The following SMIM19 variants were observed in gnomAD, a reference collection of about 807,000 sequenced individuals.
SMIM19 encodes UPF0697 protein C8orf40.
Under a neutral mutation model 13.2 loss-of-function variants are expected in SMIM19, and 6 were observed. The ratio of observed to expected loss-of-function variants is 0.45; its 90% CI spans 0.25 to 0.90. The LOEUF is 0.90. Ranked by LOEUF, SMIM19 falls within the 40% of genes least tolerant of loss-of-function variation. The pLI is 0.19. For synonymous variants in SMIM19, 46 were observed against 43.1 expected (o/e 1.07, Z -0.27); for missense variants, 138 against 131.0 (o/e 1.05, Z -0.26).
At chr8:42,545,898 T>TCAAG (rs1813462216) in intron 1 of SMIM19, among the ~76,000 whole-genome samples, 2 of 152,346 alleles carry the variant, frequency 1.3e-5, no homozygotes, top group South Asian at 4.1e-4. Flanking sequence ...CAATAACATT[T>TCAAG]CAAGCTCAGT....
intron 3 of SMIM19, among the ~76,000 whole-genome samples, chr8:42,549,281 G>C (rs112127053): frequency 3.1e-3 from 472 of 152,136 alleles, no homozygotes; most frequent in African/African-American, 0.011. Context: ...GCACACTTGC[G>C]GGTGCCTGTC....
chr8:42,548,953 A>G (rs1035526277), intron 3 of SMIM19, among the ~76,000 whole-genome samples, 173 bp downstream of exon 3: 5 of 152,220 alleles, frequency 3.3e-5, no homozygotes, highest in African/African-American at 9.7e-5. Flanking sequence ...TTTGTATTTT[A>G]TACCATTTGC....
intron 2 of SMIM19, among the ~76,000 whole-genome samples, chr8:42,547,740 A>G (rs1463577448): frequency 1.3e-5 from 2 of 152,258 alleles, no homozygotes; most frequent in African/African-American, 2.4e-5. Flanking sequence ...TAAATCTTCA[A>G]TAAGTATTTC....
At chr8:42,544,855 A>G (rs1813423846) in intron 1 of SMIM19, among the ~76,000 whole-genome samples, 1 of 151,608 alleles carries the variant, frequency 6.6e-6, no homozygotes, top group African/African-American at 2.4e-5. Flanking sequence ...TCTGCCCTCA[A>G]AACATGTATA....
chr8:42,554,463 CAATG>C lies in SMIM19; in HGVS notation c.*1859_*1862del, dbSNP rs1232378261. On this transcript the variant is annotated 3_prime_UTR_variant, in exon 4 of 4. Transcript: ENST00000417410. ...TGTACATAAATAAACGTAAGTCACA[CAATG>C]AATTTCCTTTGTGTCCACTAGATAG... 1.3e-5 allele frequency: 2 copies of C among 152,214 alleles called. No homozygotes were observed. The highest frequency in any genetic ancestry group is 4.8e-5 in the African/African-American group (2 of 41,450). The allele number at this position is 152,214 out of a possible 1,614,324, so 9.4% of individuals were successfully genotyped here.
intron 3 of SMIM19, among the ~76,000 whole-genome samples, chr8:42,550,521 G>A (rs906422352): frequency 1.3e-5 from 2 of 152,134 alleles, no homozygotes; most frequent in Non-Finnish European, 2.9e-5. Context: ...CACTCCTTGG[G>A]TCACAGTCCC....
chr8:42,546,644 A>G (rs2131492051), intron 2 of SMIM19, 38 bp downstream of exon 2: 1 of 1,585,156 alleles, frequency 6.3e-7, no homozygotes, highest in East Asian at 2.2e-5. Context: ...AAAACTGTGC[A>G]TTTACAAGTT....
At chr8:42,552,492 A>G in intron 3 of SMIM19, 52 bp from the exon 4 acceptor site, 1 of 1,554,446 alleles carries the variant, frequency 6.4e-7, no homozygotes, top group Non-Finnish European at 8.9e-7. Flanking sequence ...TTAAGTAGTA[A>G]TCATTTTGCA....
In SMIM19 at chr8:42,546,612, T is replaced by C; in HGVS notation, c.134+6T>C. 1 of 1,605,282 alleles carries C rather than the reference T, an allele frequency of 6.2e-7. No individual in the cohort carries two copies. The highest frequency in any genetic ancestry group is 8.5e-7 in the Non-Finnish European group (1 of 1,177,772). ...CTCTTCATGTATGCCAAAAGGTAAATTTTTGTTTCTCAGGGTAGATAAAAA... is the reference window on the plus strand; with the variant it reads ...CTCTTCATGTATGCCAAAAGGTAAACTTTTGTTTCTCAGGGTAGATAAAAA... On this transcript the variant is annotated splice_donor_region_variant and intron_variant, in intron 2 of 3. Coordinates refer to ENST00000417410, the MANE Select transcript of SMIM19 (RefSeq NM_001135674.2).
intron 2 of SMIM19, 187 bp from the exon 3 acceptor site, chr8:42,548,469 T>G (rs1813558881): frequency 1.4e-6 from 1 of 691,654 alleles, no homozygotes. Flanking sequence ...TCTCACAGCC[T>G]CATACTTTTT....
In SMIM19 at chr8:42,555,061, A is replaced by G. The variant is rs754203505; in HGVS notation, c.*2453A>G. On this transcript the variant is annotated 3_prime_UTR_variant, in exon 4 of 4. Transcript: ENST00000417410. The stretch of plus-strand genomic sequence containing the variant: ...AAAATGACATGCAAGGTTTATGGTA[A>G]AACTGCTGTACAATCAGAAGTATTT... 6.6e-6 allele frequency: 1 copy of G among 152,228 alleles called. No homozygotes were observed. Among genetic ancestry groups the G allele is most frequent in the Non-Finnish European group, 1.5e-5 (1 of 68,044 alleles). 9.4% of individuals were successfully genotyped at this position (152,228 alleles called of 1,614,324 possible).
intron 3 of SMIM19, among the ~76,000 whole-genome samples, chr8:42,551,247 G>A (rs1327645326): frequency 2.0e-5 from 3 of 150,910 alleles, no homozygotes; most frequent in African/African-American, 7.3e-5. Context: ...GAACCCAGGA[G>A]GCAGAACTTG....
At position 42,542,145 on chromosome 8, in the gene SMIM19, G is replaced by A. The variant is rs1489157515; in HGVS notation, c.-233G>A. On this transcript the variant is annotated 5_prime_UTR_variant, in exon 1 of 4. Transcript: ENST00000417410. ...TCTCGCAGGATCGGGGCCAAGACTG[G>A]AAGAGTTCAGGTTTGGGAGTCGTGT... The A allele has an allele frequency of 6.6e-6, 1 of 152,054 alleles. No homozygotes were observed. The highest frequency in any genetic ancestry group is 1.5e-5 in the Non-Finnish European group (1 of 68,054). The allele number at this position is 152,054 out of a possible 1,614,324, so 9.4% of individuals were successfully genotyped here. A position where few individuals can be genotyped will look rare whatever the true frequency, so the allele number is the denominator to read the frequency against.
At chr8:42,549,406 C>T (rs1440438187) in intron 3 of SMIM19, among the ~76,000 whole-genome samples, 4 of 150,352 alleles carry the variant, frequency 2.7e-5, no homozygotes, top group East Asian at 3.9e-4. Flanking sequence ...AGCAAGACTC[C>T]GTCTCAAAAA....
chr8:42,543,765 A>G (rs567566776), intron 1 of SMIM19, among the ~76,000 whole-genome samples: 12 of 152,302 alleles, frequency 7.9e-5, no homozygotes, highest in Admixed American at 2.0e-4. Context: ...CACCCGTGAA[A>G]TGTTCTAGTG....
chr8:42,543,670 AAAATT>A (rs1429650948), intron 1 of SMIM19, among the ~76,000 whole-genome samples: 8 of 152,220 alleles, frequency 5.3e-5, no homozygotes, highest in East Asian at 3.9e-4. Flanking sequence ...AATCTTGTGA[AAAATT>A]AAAGTAAGAA....
At chr8:42,549,951 C>G (rs1260043769) in intron 3 of SMIM19, among the ~76,000 whole-genome samples, 1 of 151,942 alleles carries the variant, frequency 6.6e-6, no homozygotes, top group Non-Finnish European at 1.5e-5. Flanking sequence ...CAAAAATTAG[C>G]TGGGTGTGGT....
chr8:42,543,611 TA>T (rs575207599), intron 1 of SMIM19, among the ~76,000 whole-genome samples: 62 of 152,324 alleles, frequency 4.1e-4, no homozygotes, highest in African/African-American at 1.4e-3. Flanking sequence ...CAGGAGGAAG[TA>T]GCGCTTTTGA....
intron 3 of SMIM19, among the ~76,000 whole-genome samples, chr8:42,550,197 C>T (rs1389299708): frequency 6.6e-6 from 1 of 152,090 alleles, no homozygotes; most frequent in Non-Finnish European, 1.5e-5. Flanking sequence ...TATTTGCTGT[C>T]AGTAATATGC....
Sources: gnomAD v4.1 joint callset for allele counts (sites outside exome capture counted in the v4.1 genomes callset) on GRCh38, gnomAD v4.1.1 for gene constraint, MANE v1.5 for transcripts, NCBI Gene and HGNC (gene_info 2026-07-23, HGNC 2026-07-21) for gene names.